Variants in RNF150 observed in about 807,000 individuals in gnomAD.
RNF150 encodes ring finger protein 150.
RNF150 carries 24 observed loss-of-function variants against 39.3 expected under a neutral mutation model. The observed-to-expected ratio is 0.61, with a 90% CI of 0.44 to 0.86. The LOEUF (loss-of-function observed/expected upper bound fraction) is 0.86. RNF150 is among the 40% of genes least tolerant of loss of function. RNF150 has a pLI of 0.00. For missense variants in RNF150, 502 were observed against 587.8 expected (o/e 0.85, Z 1.51); for synonymous variants, 255 against 227.3 (o/e 1.12, Z -1.10).
chr4:140,959,054 C>T (rs547798027), intron 2 of RNF150, among the ~76,000 whole-genome samples: 3 of 152,246 alleles, frequency 2.0e-5, no homozygotes, highest in Non-Finnish European at 4.4e-5. Flanking sequence ...CCTCTCCCAA[C>T]CTGGCCTGCC....
At chr4:141,166,209 A>T (rs928998174) in intron 1 of RNF150, among the ~76,000 whole-genome samples, 2 of 152,212 alleles carry the variant, frequency 1.3e-5, no homozygotes, top group Non-Finnish European at 1.5e-5. Context: ...GAAGAAATGG[A>T]TAAATTCCTG....
chr4:141,092,761 GAGA>G (rs1738634847), intron 1 of RNF150, among the ~76,000 whole-genome samples: 1 of 151,508 alleles, frequency 6.6e-6, no homozygotes, highest in Non-Finnish European at 1.5e-5. Flanking sequence ...TATCCTTTTT[GAGA>G]AGAATAAAAG....
At chr4:141,074,779 T>C (rs1187196006) in intron 1 of RNF150, among the ~76,000 whole-genome samples, 1 of 152,158 alleles carries the variant, frequency 6.6e-6, no homozygotes, top group Non-Finnish European at 1.5e-5. Context: ...CTGTTTGTGA[T>C]ACAAGAAAAG....
At chr4:140,930,096 G>A (rs543455867) in intron 4 of RNF150, among the ~76,000 whole-genome samples, 16 of 151,610 alleles carry the variant, frequency 1.1e-4, no homozygotes, top group Admixed American at 1.1e-3. Flanking sequence ...GGGAGGTGGA[G>A]GTTGCAGTGA....
chr4:141,097,140 C>A (rs1317546112), intron 1 of RNF150, among the ~76,000 whole-genome samples: 1 of 152,184 alleles, frequency 6.6e-6, no homozygotes, highest in African/African-American at 2.4e-5. Context: ...CCATAATCTG[C>A]AGACCTGTGT....
chr4:140,933,756 T>C (rs988613252), intron 4 of RNF150, among the ~76,000 whole-genome samples: 1 of 152,212 alleles, frequency 6.6e-6, no homozygotes, highest in Non-Finnish European at 1.5e-5. Flanking sequence ...CTTCACATCA[T>C]TAAGTTATTT....
intron 1 of RNF150, among the ~76,000 whole-genome samples, chr4:140,977,029 G>A (rs531837307): frequency 6.6e-6 from 1 of 151,858 alleles, no homozygotes; most frequent in East Asian, 1.9e-4. Flanking sequence ...AATCAGTGAT[G>A]TTACCACAGA....
chr4:141,023,446 T>C (rs2110794604), intron 1 of RNF150, among the ~76,000 whole-genome samples: 1 of 152,078 alleles, frequency 6.6e-6, no homozygotes, highest in African/African-American at 2.4e-5. Flanking sequence ...AGTTATGGGT[T>C]TCACTATATG....
chr4:140,983,293 G>C (rs956982224), intron 1 of RNF150, among the ~76,000 whole-genome samples: 2 of 152,146 alleles, frequency 1.3e-5, no homozygotes, highest in East Asian at 3.9e-4. Flanking sequence ...TTATCCTTCT[G>C]TTTCTTCAGG....
intron 1 of RNF150, among the ~76,000 whole-genome samples, chr4:141,165,497 T>A (rs1286087017): frequency 1.3e-5 from 2 of 152,164 alleles, no homozygotes; most frequent in Non-Finnish European, 2.9e-5. Flanking sequence ...GAATATACAT[T>A]TTTCTTAGCA....
intron 6 of RNF150, among the ~76,000 whole-genome samples, chr4:140,873,351 A>G (rs1270265792): frequency 6.6e-6 from 1 of 152,124 alleles, no homozygotes; most frequent in East Asian, 1.9e-4. Flanking sequence ...GCCTGTGCAG[A>G]CATTTATTTG....
chr4:141,017,051 A>G (rs1423241073), intron 1 of RNF150, among the ~76,000 whole-genome samples: 1 of 151,906 alleles, frequency 6.6e-6, no homozygotes, highest in East Asian at 1.9e-4. Flanking sequence ...ACTCTGTAAA[A>G]CACGTGAACA....
Position 140,862,242 on chromosome 4 carries a change from T to C in RNF150, c.*6019A>G, listed in dbSNP as rs940737040. ...TGTTCAGACATTGCAGACCTCTTAA[T>C]AGACGTGTATATTTTTGTCTTATCA... On this transcript the variant is annotated 3_prime_UTR_variant, in exon 7 of 7. Coordinates refer to ENST00000515673, the MANE Select transcript of RNF150 (RefSeq NM_020724.2). The C allele has an allele frequency of 6.6e-6, 1 of 152,202 alleles. No individual in the cohort carries two copies. Among genetic ancestry groups the C allele is most frequent in the African/African-American group, 2.4e-5 (1 of 41,456 alleles). The allele number at this position is 152,202 out of a possible 1,614,324, so 9.4% of individuals were successfully genotyped here.
chr4:140,924,193 T>G (rs982319126), intron 5 of RNF150, among the ~76,000 whole-genome samples: 1 of 152,192 alleles, frequency 6.6e-6, no homozygotes, highest in South Asian at 2.1e-4. Flanking sequence ...TTGTGCAAAG[T>G]AAAATCCTAT....
At chr4:141,165,692 A>T (rs752911718) in intron 1 of RNF150, among the ~76,000 whole-genome samples, 3 of 152,222 alleles carry the variant, frequency 2.0e-5, no homozygotes, top group Admixed American at 6.5e-5. Context: ...CTGCTTCTGA[A>T]TGACTACTGG....
At chr4:141,081,086 T>G (rs925183191) in intron 1 of RNF150, among the ~76,000 whole-genome samples, 25 of 152,202 alleles carry the variant, frequency 1.6e-4, no homozygotes, top group African/African-American at 6.0e-4. Context: ...CACTGTCAGA[T>G]GCAAGCATCC....
Position 140,967,738 on chromosome 4 carries a change from G to A in RNF150, c.620C>T (p.Thr207Ile), listed in dbSNP as rs1478026455. Residue 207 changes from threonine to isoleucine, a missense_variant, in exon 2 of 7, where the codon ACT becomes ATT. By Grantham distance (89) the Thr-to-Ile change is moderately conservative (BLOSUM62 -1). Coordinates refer to ENST00000515673, the MANE Select transcript of RNF150 (RefSeq NM_020724.2). Reference sequence around the variant, plus strand: ...GGAGATGGAGACAAACACAACCGAAGTGCGGCTCACATATTTCTGCAAGTT... The same window carrying A: ...GGAGATGGAGACAAACACAACCGAAATGCGGCTCACATATTTCTGCAAGTT... ...TRNLQKYVSRTSVVFVSISFI... is the reference protein window; with the variant it reads ...TRNLQKYVSRISVVFVSISFI... 11 of 1,613,600 alleles carry A rather than the reference G, an allele frequency of 6.8e-6. No individual in the cohort carries two copies. The highest frequency in any genetic ancestry group is 9.3e-6 in the Non-Finnish European group (11 of 1,179,650).
chr4:141,091,364 T>C (rs539081581), intron 1 of RNF150, among the ~76,000 whole-genome samples: 19 of 152,272 alleles, frequency 1.2e-4, no homozygotes, highest in African/African-American at 4.3e-4. Flanking sequence ...GAATTTGAGA[T>C]TTTTCTTTAC....
At chr4:140,913,293 G>A (rs927362425) in intron 5 of RNF150, among the ~76,000 whole-genome samples, 1 of 151,908 alleles carries the variant, frequency 6.6e-6, no homozygotes, top group Non-Finnish European at 1.5e-5. Context: ...AAAAACCATG[G>A]GTATGTTTCT....
Sources: allele counts gnomAD v4.1 joint callset (sites outside exome capture counted in the v4.1 genomes callset), GRCh38; gene constraint gnomAD v4.1.1; transcripts MANE v1.5; gene names NCBI Gene and HGNC (gene_info 2026-07-23, HGNC 2026-07-21).